TGFBRAP1: variants seen among roughly 807,000 people sequenced by gnomAD.
TGFBRAP1 encodes the protein transforming growth factor beta receptor associated protein 1.
Under a neutral mutation model 83.2 loss-of-function variants are expected in TGFBRAP1, and 20 were observed. That is an observed-to-expected ratio of 0.24 (90% CI 0.17 to 0.35). The LOEUF (loss-of-function observed/expected upper bound fraction) is 0.35, where lower values mean the gene tolerates loss of function less well. Ranked by LOEUF, TGFBRAP1 falls within the 10% of genes least tolerant of loss-of-function variation. The pLI is 1.00. For missense variants in TGFBRAP1, 950 were observed against 1,099.4 expected, an observed-to-expected ratio of 0.86 and a Z score of 1.92; for synonymous variants, 415 against 459.8, an observed-to-expected ratio of 0.90 and a Z score of 1.25.
intron 1 of TGFBRAP1, among the ~76,000 whole-genome samples, chr2:105,309,300 G>A (rs530577029): frequency 1.4e-4 from 21 of 152,334 alleles, no homozygotes; most frequent in Non-Finnish European, 2.2e-4. Context: ...AGAGAATGAC[G>A]GGAGCTGCAG....
chr2:105,273,985 T>C (rs915711379), intron 8 of TGFBRAP1, among the ~76,000 whole-genome samples: 13 of 152,052 alleles, frequency 8.5e-5, no homozygotes, highest in African/African-American at 2.4e-4. Flanking sequence ...CCCATGCAAA[T>C]TGGAAACTGA....
chr2:105,307,452 A>G (rs1474476675), intron 2 of TGFBRAP1, among the ~76,000 whole-genome samples, 162 bp downstream of exon 2: 1 of 152,154 alleles, frequency 6.6e-6, no homozygotes, highest in Non-Finnish European at 1.5e-5. Context: ...ATCGAACTGG[A>G]TTTCATCAAG....
Position 105,287,338 on chromosome 2 carries a change from A to G in TGFBRAP1, c.1039-2940T>C, listed in dbSNP as rs1313149820. Among the ~76,000 whole-genome samples the G allele has an allele frequency of 3.3e-5, 5 of 152,238 alleles. 1 individual carries two copies. The highest frequency in any genetic ancestry group is 7.3e-5 in the Non-Finnish European group (5 of 68,048). ...ATGCCACAGAACTACACACTTAAAAATAGTTAAAATGGTAAAATTTATGTT... is the reference window on the plus strand; with the variant it reads ...ATGCCACAGAACTACACACTTAAAAGTAGTTAAAATGGTAAAATTTATGTT... On this transcript the variant is annotated intron_variant, in intron 4 of 11. Transcript: ENST00000393359.
At position 105,284,383 on chromosome 2, in the gene TGFBRAP1, TC is replaced by T; in HGVS notation, c.1053del (p.Ile352PhefsTer32). On this transcript the variant is annotated frameshift_variant, in exon 5 of 12. Transcript: ENST00000393359. LOFTEE classifies it high-confidence loss of function. ...PKEKFQVMYR[R>X]ILQQAGFIQF... ...TGTATAAATCCCGCCTGCTGCAGAA[TC>T]CTTCTGTACATTACCTGCAAGGAAA... 4 of 1,614,032 alleles carry T rather than the reference TC, an allele frequency of 2.5e-6. No homozygotes were observed. Among genetic ancestry groups the T allele is most frequent in the Non-Finnish European group, 3.4e-6 (4 of 1,179,932 alleles).
chr2:105,322,556 C>G (rs1679098598), intron 1 of TGFBRAP1, among the ~76,000 whole-genome samples: 1 of 152,088 alleles, frequency 6.6e-6, no homozygotes, highest in Admixed American at 6.6e-5. Flanking sequence ...TTCTACTATC[C>G]CTTTTCTGTG....
At chr2:105,299,193 A>G (rs947052584) in intron 2 of TGFBRAP1, among the ~76,000 whole-genome samples, 1 of 152,112 alleles carries the variant, frequency 6.6e-6, no homozygotes, top group Non-Finnish European at 1.5e-5. Flanking sequence ...AGGTGGAAAG[A>G]TCACTTGAGC....
intron 4 of TGFBRAP1, among the ~76,000 whole-genome samples, chr2:105,294,522 C>A (rs1312659350): frequency 6.6e-6 from 1 of 152,056 alleles, no homozygotes; most frequent in East Asian, 1.9e-4. Flanking sequence ...CTGTTAAAAA[C>A]GTGGGCAAAA....
Position 105,307,700 on chromosome 2 carries a change from A to G in TGFBRAP1, c.602T>C (p.Leu201Pro), listed in dbSNP as rs1461664576. Residue 201 changes from leucine to proline, a missense_variant, in exon 2 of 12, where the codon CTG (leucine) becomes CCG (proline). Transcript: ENST00000393359. ...CCTCTCCTCACTGCAGTAGGGAAAC[A>G]GGTCCTGGGAGACGCCTGTGCTGTA... The part of the protein sequence containing the change: ...HNYSTGVSQD[L>P]FPYCSEERPP... The G allele has an allele frequency of 6.2e-7, 1 of 1,614,128 alleles. No homozygotes were observed. Among genetic ancestry groups the G allele is most frequent in the South Asian group, 1.1e-5 (1 of 91,080 alleles).
At chr2:105,250,040 C>A in the TGFBRAP1 span, among the ~76,000 whole-genome samples, 1 of 152,358 alleles carries the variant, frequency 6.6e-6, no homozygotes, top group East Asian at 1.9e-4. Context: ...CCTTTCTGCT[C>A]TCTTGCCCCT....
rs758029455 is a variant in TGFBRAP1, at chr2:105,280,390, C to T, written c.1455G>A (p.Lys485=). 59 of 1,612,356 alleles carry T rather than the reference C, an allele frequency of 3.7e-5. No individual in the cohort carries two copies. The East Asian group carries it at 1.2e-3, about 34-fold the overall frequency. ...LLTDSAAWLE[K]HKKYFALGLL... ...AGGAAGGGAACACTCACTTTTTGTG[C>T]TTCTCTAGCCAGGCAGCACTGTCCG... The change falls in exon 6 of 12, where the codon AAG becomes AAA. Residue 485 remains lysine (K), a synonymous_variant. Coordinates refer to ENST00000393359, the MANE Select transcript of TGFBRAP1 (RefSeq NM_004257.6).
intron 9 of TGFBRAP1, among the ~76,000 whole-genome samples, 161 bp from the exon 10 acceptor site, chr2:105,273,175 G>A (rs1469582043): frequency 6.6e-6 from 1 of 152,110 alleles, no homozygotes. Flanking sequence ...CCATGATACT[G>A]AGATGAGTTT....
At chr2:105,275,537 A>G in intron 8 of TGFBRAP1, 23 bp downstream of exon 8, 3 of 1,612,096 alleles carry the variant, frequency 1.9e-6, no homozygotes. Flanking sequence ...ACCAAAGAGA[A>G]TGCATTTTTA....
rs2104353353 is a variant in TGFBRAP1, at chr2:105,288,457, G to A, written c.1039-4059C>T. On this transcript the variant is annotated intron_variant, in intron 4 of 11. Coordinates refer to ENST00000393359, the MANE Select transcript of TGFBRAP1 (RefSeq NM_004257.6). ...ACGATCAACTGCAGACCTGGAGAAG[G>A]GAAACTGGCAAACACAGTTGTTGCC... 1.3e-5 allele frequency among the ~76,000 whole-genome samples: 2 copies of A among 152,260 alleles called. 1 individual carries two copies. The highest frequency in any genetic ancestry group is 4.1e-4 in the South Asian group (2 of 4,820).
chr2:105,275,504 GTC>G, intron 8 of TGFBRAP1, 54 bp downstream of exon 8: 1 of 1,592,614 alleles, frequency 6.3e-7, no homozygotes, highest in Non-Finnish European at 8.5e-7. Flanking sequence ...AGCTTTTGGG[GTC>G]TGTTTTTACC....
chr2:105,270,306 A>C (rs1255515083), intron 10 of TGFBRAP1, among the ~76,000 whole-genome samples: 1 of 152,194 alleles, frequency 6.6e-6, no homozygotes. Flanking sequence ...GGTCCTAAGG[A>C]AAATGACATA....
intron 2 of TGFBRAP1, among the ~76,000 whole-genome samples, chr2:105,299,264 G>A (rs896661065): frequency 6.6e-6 from 1 of 152,044 alleles, no homozygotes; most frequent in African/African-American, 2.4e-5. Flanking sequence ...CTGGGCGACA[G>A]AGTGAGAACC....
At chr2:105,303,676 G>A (rs765400782) in intron 2 of TGFBRAP1, among the ~76,000 whole-genome samples, 15 of 152,202 alleles carry the variant, frequency 9.9e-5, no homozygotes, top group Non-Finnish European at 2.1e-4. Flanking sequence ...GTCAACAGCT[G>A]CTAACATTAC....
chr2:105,297,431 A>G (rs1263470618), intron 3 of TGFBRAP1, among the ~76,000 whole-genome samples: 2 of 152,004 alleles, frequency 1.3e-5, no homozygotes, highest in African/African-American at 4.8e-5. Context: ...GCACCACAAC[A>G]CTGCTCTGTG....
chr2:105,273,568 A>C lies in TGFBRAP1; in HGVS notation c.1788T>G (p.His596Gln). 1 of 1,614,204 alleles carries C rather than the reference A, an allele frequency of 6.2e-7. No individual in the cohort carries two copies. The highest frequency in any genetic ancestry group is 8.5e-7 in the Non-Finnish European group (1 of 1,180,034). The change falls in exon 9 of 12, where the codon CAT (histidine) becomes CAG (glutamine). Residue 596 changes from histidine (H) to glutamine (Q), a missense_variant. Transcript: ENST00000393359. Reference sequence around the variant, plus strand: ...CCTGCAGTCTCTTGTCTATCACAAGATGTTCCAGATACTTCACAAGGGCTT... The same window carrying C: ...CCTGCAGTCTCTTGTCTATCACAAGCTGTTCCAGATACTTCACAAGGGCTT... ...YPKALVKYLE[H>Q]LVIDKRLQKE...
Sources: gnomAD v4.1 joint callset for allele counts (sites outside exome capture counted in the v4.1 genomes callset) on GRCh38, gnomAD v4.1.1 for gene constraint, MANE v1.5 for transcripts, NCBI Gene and HGNC (gene_info 2026-07-23, HGNC 2026-07-21) for gene names.